Variants in NRG1 observed in about 807,000 individuals in gnomAD.
NRG1 encodes pro-neuregulin-1, membrane-bound isoform.
A neutral mutation model predicts 63.8 loss-of-function variants in NRG1; 18 were observed. The ratio of observed to expected loss-of-function variants is 0.28; its 90% confidence interval spans 0.19 to 0.42. The LOEUF (loss-of-function observed/expected upper bound fraction) is 0.42, where lower values mean the gene tolerates loss of function less well. Among genes scored for constraint, NRG1 ranks in the 10% least tolerant of loss-of-function variants. The pLI is 1.00. For missense variants in NRG1, 762 were observed against 814.7 expected, an observed-to-expected ratio of 0.94 and a Z score of 0.79; for synonymous variants, 302 against 301.3, an observed-to-expected ratio of 1.00 and a Z score of -0.02.
chr8:31,786,518 C>G (rs2131637431), intron 1 of NRG1, among the ~76,000 whole-genome samples: 1 of 152,292 alleles, frequency 6.6e-6, no homozygotes, highest in Non-Finnish European at 1.5e-5. Flanking sequence ...CTTGAGAGCT[C>G]AGTCCCTAAG....
chr8:31,735,396 C>A (rs1814559531), intron 1 of NRG1, among the ~76,000 whole-genome samples: 1 of 151,984 alleles, frequency 6.6e-6, no homozygotes, highest in Non-Finnish European at 1.5e-5. Flanking sequence ...CCAAAAAAAA[C>A]CCCACTGTCT....
chr8:32,071,445 T>C (rs117921621), intron 1 of NRG1, among the ~76,000 whole-genome samples: 1,557 of 152,292 alleles, frequency 0.01, 12 homozygotes, highest in Middle Eastern at 0.017. Flanking sequence ...TTTCTAAAGA[T>C]TTGCATGAGC....
chr8:31,969,485 G>T (rs372323474), intron 1 of NRG1, among the ~76,000 whole-genome samples: 1 of 152,088 alleles, frequency 6.6e-6, no homozygotes, highest in Middle Eastern at 3.2e-3. Context: ...TGATACTAAT[G>T]ATCTCAGAAG....
At chr8:32,675,849 T>C (rs901501422) in intron 5 of NRG1, among the ~76,000 whole-genome samples, 2 of 152,216 alleles carry the variant, frequency 1.3e-5, no homozygotes, top group Admixed American at 6.5e-5. Context: ...AAACACATAC[T>C]TTTTTGTATG....
At chr8:31,893,427 A>T (rs899712420) in intron 1 of NRG1, among the ~76,000 whole-genome samples, 2 of 151,522 alleles carry the variant, frequency 1.3e-5, no homozygotes, top group Admixed American at 6.6e-5. Flanking sequence ...AAAGAGAAAA[A>T]TGTAAAGAGA....
intron 5 of NRG1, among the ~76,000 whole-genome samples, chr8:32,639,297 C>A (rs1402905345): frequency 1.3e-5 from 2 of 151,940 alleles, no homozygotes; most frequent in Non-Finnish European, 2.9e-5. Context: ...TCCCAGCTAC[C>A]TAGGAAGCCA....
intron 1 of NRG1, among the ~76,000 whole-genome samples, chr8:31,805,762 A>G (rs931763069): frequency 1.4e-5 from 2 of 143,362 alleles, no homozygotes; most frequent in African/African-American, 5.2e-5. Flanking sequence ...CTGGAGGCGG[A>G]GCTTGCAGTG....
chr8:32,166,171 T>G (rs948699191), intron 1 of NRG1, among the ~76,000 whole-genome samples: 3 of 152,204 alleles, frequency 2.0e-5, no homozygotes, highest in African/African-American at 7.2e-5. Flanking sequence ...TTTATTCATT[T>G]TATTTGCTAT....
At chr8:31,668,611 T>G (rs7813211) in intron 1 of NRG1, among the ~76,000 whole-genome samples, 1 of 152,152 alleles carries the variant, frequency 6.6e-6, no homozygotes, top group African/African-American at 2.4e-5. Context: ...TTGGAATTGC[T>G]TGAATGCTGG....
chr8:32,747,487 A>G (rs1020119852), intron 7 of NRG1, among the ~76,000 whole-genome samples: 1 of 152,134 alleles, frequency 6.6e-6, no homozygotes, highest in African/African-American at 2.4e-5. Context: ...TTTTTGACCA[A>G]TTGAGTGTTG....
chr8:32,345,490 T>C (rs1447131897), intron 1 of NRG1, among the ~76,000 whole-genome samples: 1 of 152,140 alleles, frequency 6.6e-6, no homozygotes, highest in Non-Finnish European at 1.5e-5. Context: ...TTAGACAGTT[T>C]GAGTGCCTCA....
intron 1 of NRG1, among the ~76,000 whole-genome samples, chr8:32,107,064 A>ACAG (rs1831369415): frequency 6.6e-6 from 1 of 150,862 alleles, no homozygotes; most frequent in African/African-American, 2.5e-5. Context: ...TAAAAATACA[A>ACAG]CAACAACAAC....
intron 1 of NRG1, among the ~76,000 whole-genome samples, chr8:32,010,923 C>T (rs1018301849): frequency 2.0e-5 from 3 of 152,012 alleles, no homozygotes; most frequent in Admixed American, 2.0e-4. Flanking sequence ...CAACTAGAAG[C>T]TGAATATTCA....
chr8:32,653,134 T>TG lies in NRG1; in HGVS notation c.502+36249_502+36250insG, dbSNP rs1267080083. On this transcript the variant is annotated intron_variant, in intron 5 of 11. Coordinates refer to ENST00000356819, the Ensembl canonical transcript of NRG1. ...TTATTTCCTCTTTGGTTTTTTTTTG[T>TG]TTGTTTGTTTGTTTGTTTGTTTTTC... 2.1e-4 allele frequency among the ~76,000 whole-genome samples: 28 copies of TG among 130,516 alleles called. No individual in the cohort carries two copies. In the South Asian group the frequency reaches 6.3e-3, roughly 30 times the overall value. 85.6% of individuals were successfully genotyped at this position (130,516 alleles called of 152,430 possible).
At chr8:32,281,132 A>G (rs1409519298) in intron 1 of NRG1, among the ~76,000 whole-genome samples, 1 of 132,546 alleles carries the variant, frequency 7.5e-6, no homozygotes, top group South Asian at 2.4e-4. Flanking sequence ...TGTACAAATT[A>G]TTTTGTTACC....
At chr8:32,403,340 A>G (rs1011227336) in intron 1 of NRG1, among the ~76,000 whole-genome samples, 2 of 151,676 alleles carry the variant, frequency 1.3e-5, no homozygotes, top group Admixed American at 1.3e-4. Context: ...AGAAATGAGC[A>G]AGCACTGAAC....
At position 31,920,306 on chromosome 8, in the gene NRG1, A is replaced by ATT. The variant is rs1833792570; in HGVS notation, c.37+280875_37+280876insTT. The stretch of plus-strand genomic sequence containing the variant: ...GAACTACCTTCGTGCTTTAAATTAA[A>ATT]AAAAAAAGATGTATCTGTACATTCT... On this transcript the variant is annotated intron_variant, in intron 1 of 10. Transcript: ENST00000519301. 6.6e-5 allele frequency among the ~76,000 whole-genome samples: 10 copies of ATT among 151,524 alleles called. No homozygotes were observed. The South Asian group carries it at 1.9e-3, about 29-fold the overall frequency.
At chr8:31,696,741 T>C (rs1810104378) in intron 1 of NRG1, among the ~76,000 whole-genome samples, 1 of 152,150 alleles carries the variant, frequency 6.6e-6, no homozygotes. Flanking sequence ...ACCTGAGCAG[T>C]TGTGCAACAT....
At chr8:32,626,778 T>G (rs571138248) in intron 5 of NRG1, among the ~76,000 whole-genome samples, 3 of 152,222 alleles carry the variant, frequency 2.0e-5, no homozygotes, top group African/African-American at 7.2e-5. Flanking sequence ...TCCAGCACTT[T>G]GGGAGGCCAA....
Sources: allele counts gnomAD v4.1 joint callset (sites outside exome capture counted in the v4.1 genomes callset), GRCh38; gene constraint gnomAD v4.1.1; transcripts MANE v1.5; gene names NCBI Gene and HGNC (gene_info 2026-07-23, HGNC 2026-07-21).